CRB1: variants seen among roughly 807,000 people sequenced by gnomAD.
CRB1 encodes the protein crumbs cell polarity complex component 1.
A neutral mutation model predicts 120.0 loss-of-function variants in CRB1; 83 were observed. The observed-to-expected ratio is 0.69, with a 90% CI of 0.58 to 0.83. The LOEUF (loss-of-function observed/expected upper bound fraction) is 0.83, where lower values mean the gene tolerates loss of function less well. CRB1 is among the 40% of genes least tolerant of loss of function. The probability of loss-of-function intolerance (pLI) is 0.00; values close to 1 mark genes in which losing one functional copy is unlikely to be tolerated. For synonymous variants in CRB1, 625 were observed against 612.5 expected, an observed-to-expected ratio of 1.02 and a Z score of -0.30; for missense variants, 1,699 against 1,687.6, an observed-to-expected ratio of 1.01 and a Z score of -0.12.
At chr1:197,289,778 C>G (rs1656058001) in intron 1 of CRB1, among the ~76,000 whole-genome samples, 1 of 151,602 alleles carries the variant, frequency 6.6e-6, no homozygotes, top group Non-Finnish European at 1.5e-5. Flanking sequence ...CCTACATTTT[C>G]CTTTTCAACA....
the CRB1 span, among the ~76,000 whole-genome samples, chr1:197,212,732 G>T: frequency 6.6e-6 from 1 of 152,018 alleles, no homozygotes; most frequent in Non-Finnish European, 1.5e-5. Context: ...CACTTTAAAT[G>T]TACACAGAGT....
At chr1:197,255,996 T>TATATATATATATATATATACAC in the CRB1 span, among the ~76,000 whole-genome samples, 16 of 116,710 alleles carry the variant, frequency 1.4e-4, no homozygotes, top group East Asian at 3.9e-4. Flanking sequence ...TATATATATA[T>TATATATATATATATATATACAC]ACACTACAAT....
chr1:197,383,267 G>C (rs983176524), intron 5 of CRB1, among the ~76,000 whole-genome samples: 1 of 151,992 alleles, frequency 6.6e-6, no homozygotes, highest in Non-Finnish European at 1.5e-5. Flanking sequence ...GTTGATATTG[G>C]GGAAAGCTAA....
chr1:197,366,641 A>G (rs914938815), intron 5 of CRB1, among the ~76,000 whole-genome samples: 6 of 152,206 alleles, frequency 3.9e-5, no homozygotes, highest in African/African-American at 1.4e-4. Flanking sequence ...GCATGAGACC[A>G]TGGAAGATGA....
chr1:197,247,764 C>G, the CRB1 span, among the ~76,000 whole-genome samples: 2 of 152,040 alleles, frequency 1.3e-5, no homozygotes, highest in African/African-American at 2.4e-5. Flanking sequence ...TAGCTAGCAT[C>G]TTATCTGAAT....
chr1:197,451,918 G>A (rs1005801732), intron 11 of CRB1, among the ~76,000 whole-genome samples: 19 of 152,132 alleles, frequency 1.2e-4, no homozygotes, highest in Non-Finnish European at 2.5e-4. Flanking sequence ...TGAATCATAT[G>A]AACTTGCAAA....
chr1:197,356,926 C>A lies in CRB1; in HGVS notation c.1084C>A (p.Gln362Lys). 1.2e-6 allele frequency: 2 copies of A among 1,614,210 alleles called. No homozygotes were observed. Among genetic ancestry groups the A allele is most frequent in the East Asian group, 2.2e-5 (1 of 44,890 alleles). ...GECVELSSEK[Q>K]YGRITGLPSS... is the part of the protein sequence containing the mutation. The stretch of plus-strand genomic sequence containing the variant: ...ATGTGTGGAGCTGTCCTCAGAGAAA[C>A]AATATGGACGCATCACTGGACTGCC... The change falls in exon 5 of 12, where the codon CAA becomes AAA. Residue 362 changes from glutamine to lysine, a missense_variant. Physicochemically the swap from Gln to Lys is moderately conservative, Grantham distance 53. Coordinates refer to ENST00000367400, the MANE Select transcript of CRB1 (RefSeq NM_201253.3).
intron 1 of CRB1, among the ~76,000 whole-genome samples, chr1:197,305,133 G>T (rs139376681): frequency 4.6e-5 from 7 of 152,258 alleles, no homozygotes; most frequent in African/African-American, 1.4e-4. Flanking sequence ...TGATATCTAA[G>T]TTTGCTGTGT....
intron 6 of CRB1, among the ~76,000 whole-genome samples, chr1:197,426,629 C>T (rs1194566599): frequency 6.6e-6 from 1 of 152,154 alleles, no homozygotes; most frequent in Non-Finnish European, 1.5e-5. Flanking sequence ...AGATGAGCAT[C>T]ACTAACTCCT....
At chr1:197,400,742 A>G (rs1296007843) in intron 5 of CRB1, among the ~76,000 whole-genome samples, 1 of 152,114 alleles carries the variant, frequency 6.6e-6, no homozygotes, top group East Asian at 1.9e-4. Flanking sequence ...CCCTGATTTA[A>G]GTTTCCTTTT....
intron 7 of CRB1, chr1:197,429,067 G>C: frequency 6.7e-7 from 1 of 1,497,242 alleles, no homozygotes; most frequent in Non-Finnish European, 9.0e-7. Context: ...AGGATCTTGG[G>C]CAACTGGAAA....
At chr1:197,361,378 A>T (rs563040970) in intron 5 of CRB1, among the ~76,000 whole-genome samples, 1 of 152,214 alleles carries the variant, frequency 6.6e-6, no homozygotes, top group East Asian at 1.9e-4. Flanking sequence ...GATCCTGGAG[A>T]TTCCATTTTC....
intron 5 of CRB1, among the ~76,000 whole-genome samples, chr1:197,399,289 A>G (rs1181261488): frequency 6.6e-6 from 1 of 152,068 alleles, no homozygotes; most frequent in Non-Finnish European, 1.5e-5. Context: ...TTTAGTTGTC[A>G]TTTTCCCACA....
intron 2 of CRB1, among the ~76,000 whole-genome samples, chr1:197,339,069 T>C (rs1278998096): frequency 2.0e-5 from 3 of 152,198 alleles, no homozygotes; most frequent in African/African-American, 7.2e-5. Flanking sequence ...AAAAGAGAAT[T>C]TTGTTATTTT....
chr1:197,203,543 T>G, the CRB1 span, among the ~76,000 whole-genome samples: 1 of 152,160 alleles, frequency 6.6e-6, no homozygotes. Context: ...CAGGCTGGTC[T>G]TGAACTCCTG....
At chr1:197,336,303 T>A (rs1659152872) in intron 2 of CRB1, among the ~76,000 whole-genome samples, 1 of 152,232 alleles carries the variant, frequency 6.6e-6, no homozygotes, top group African/African-American at 2.4e-5. Flanking sequence ...GTGTTCTATC[T>A]TTTCTAAATA....
intron 5 of CRB1, among the ~76,000 whole-genome samples, chr1:197,373,913 A>G (rs1661507099): frequency 6.6e-6 from 1 of 152,214 alleles, no homozygotes; most frequent in African/African-American, 2.4e-5. Flanking sequence ...TAGCAGCAAA[A>G]TAATCTAAAA....
At chr1:197,383,376 C>T (rs1050314120) in intron 5 of CRB1, among the ~76,000 whole-genome samples, 2 of 152,156 alleles carry the variant, frequency 1.3e-5, no homozygotes, top group Non-Finnish European at 2.9e-5. Context: ...ACCCGCTACG[C>T]TCTCCATTCT....
intron 11 of CRB1, among the ~76,000 whole-genome samples, chr1:197,453,677 G>A (rs2125535205): frequency 6.8e-6 from 1 of 146,066 alleles, no homozygotes; most frequent in Non-Finnish European, 1.5e-5. Flanking sequence ...TCTAGGTTCA[G>A]GCAATACTCC....
Sources: gnomAD v4.1 joint callset for allele counts (sites outside exome capture counted in the v4.1 genomes callset) on GRCh38, gnomAD v4.1.1 for gene constraint, MANE v1.5 for transcripts, NCBI Gene and HGNC (gene_info 2026-07-23, HGNC 2026-07-21) for gene names.